Variants in CAMTA1 observed in about 807,000 individuals in gnomAD.
CAMTA1 encodes the protein calmodulin binding transcription activator 1, also known as calmodulin-binding transcription activator 1.
A neutral mutation model predicts 170.9 loss-of-function variants in CAMTA1; 27 were observed. The ratio of observed to expected loss-of-function variants is 0.16; its 90% CI spans 0.12 to 0.22. The LOEUF is 0.22. Among genes scored for constraint, CAMTA1 ranks in the 10% least tolerant of loss-of-function variants. The pLI, the probability that CAMTA1 is intolerant of heterozygous loss-of-function variation, is 1.00. For synonymous variants in CAMTA1, 833 were observed against 891.5 expected (o/e 0.93, Z 1.17); for missense variants, 1,619 against 2,217.2 (o/e 0.73, Z 5.42).
intron 3 of CAMTA1, among the ~76,000 whole-genome samples, chr1:7,031,001 ATTTTTTTT>A (rs58953861): frequency 4.0e-5 from 4 of 100,058 alleles, no homozygotes; most frequent in African/African-American, 1.3e-4. Flanking sequence ...TGCCCAGCTA[ATTTTTTTT>A]TTTTTTTTTT....
At chr1:7,590,904 T>C (rs2095350729) in intron 6 of CAMTA1, among the ~76,000 whole-genome samples, 1 of 152,238 alleles carries the variant, frequency 6.6e-6, no homozygotes, top group Non-Finnish European at 1.5e-5. Context: ...TTTTTAAGTA[T>C]ATTTTTACTT....
rs1043221885 is a variant in CAMTA1 at position 7,562,504 on chromosome 1, C to G, written c.511-77896C>G. On this transcript the variant is annotated intron_variant, in intron 6 of 22. Transcript: ENST00000303635. This position sits in a 1 kb window ranked among gnomAD's most constrained non-coding sequence, Gnocchi z 4.8. ...GCAGACGGCTCTGCCCACTCCCGCCCGCCTGCGACACCTGTCCTGCTGCTC... is the reference window on the plus strand; with the variant it reads ...GCAGACGGCTCTGCCCACTCCCGCCGGCCTGCGACACCTGTCCTGCTGCTC... Among the ~76,000 whole-genome samples, 1 of 152,152 alleles carries G rather than the reference C, an allele frequency of 6.6e-6. No individual in the cohort carries two copies. The highest frequency in any genetic ancestry group is 2.4e-5 in the African/African-American group (1 of 41,428).
intron 4 of CAMTA1, among the ~76,000 whole-genome samples, chr1:7,219,104 C>G (rs1373121222): frequency 6.6e-6 from 1 of 152,192 alleles, no homozygotes; most frequent in Non-Finnish European, 1.5e-5. Flanking sequence ...AAAAGGTCTG[C>G]TCTCTTACGA....
chr1:6,858,778 A>G (rs980544020), intron 3 of CAMTA1, among the ~76,000 whole-genome samples: 4 of 152,212 alleles, frequency 2.6e-5, no homozygotes, highest in Non-Finnish European at 5.9e-5. Context: ...TGAGGACCCC[A>G]GTGTCGTAAC....
chr1:7,157,789 T>G (rs1031874271), intron 4 of CAMTA1, among the ~76,000 whole-genome samples: 25 of 152,290 alleles, frequency 1.6e-4, no homozygotes, highest in African/African-American at 5.3e-4. Flanking sequence ...AGAAAGCAAC[T>G]CAGGGGTCTA....
At chr1:7,116,642 TTTTC>T (rs910284468) in intron 4 of CAMTA1, among the ~76,000 whole-genome samples, 7 of 148,076 alleles carry the variant, frequency 4.7e-5, no homozygotes, top group African/African-American at 9.8e-5. Context: ...CTTAGTTTTC[TTTTC>T]TTTCTTTCTT....
rs1642966512 is a variant in CAMTA1, at chr1:7,103,319, G to A, written c.302+11948G>A. Among the ~76,000 whole-genome samples, 3 of 151,812 alleles carry A rather than the reference G, an allele frequency of 2.0e-5. No homozygotes were observed. The South Asian group carries it at 6.2e-4, about 32-fold the overall frequency. ...GGGAGGACTGAGGCACCGTCTGTCT[G>A]AGAGGCACATATACACACAACTACA... On this transcript the variant is annotated intron_variant, in intron 4 of 22. Coordinates refer to ENST00000303635, the MANE Select transcript of CAMTA1 (RefSeq NM_015215.4).
intron 3 of CAMTA1, among the ~76,000 whole-genome samples, chr1:6,908,436 A>T (rs1035528163): frequency 1.3e-4 from 20 of 152,212 alleles, no homozygotes; most frequent in African/African-American, 4.8e-4. Context: ...ATATTCAAGA[A>T]GTATATTTAA....
chr1:7,347,935 A>G (rs1178528409), intron 5 of CAMTA1, among the ~76,000 whole-genome samples: 2 of 152,186 alleles, frequency 1.3e-5, no homozygotes, highest in Non-Finnish European at 2.9e-5. Flanking sequence ...TCCCATTCAT[A>G]GGCTCTGAGG....
chr1:7,200,936 G>T (rs1656563167), intron 4 of CAMTA1, among the ~76,000 whole-genome samples: 1 of 152,178 alleles, frequency 6.6e-6, no homozygotes. Context: ...CATTTAGAGT[G>T]TACAATTCAA....
chr1:6,801,223 A>C (rs1251370934), intron 1 of CAMTA1, among the ~76,000 whole-genome samples: 5 of 152,192 alleles, frequency 3.3e-5, no homozygotes, highest in African/African-American at 1.2e-4. Context: ...AATTATTCTA[A>C]ATATTTCCCA....
At chr1:7,746,206 T>C in intron 18 of CAMTA1, 115 bp downstream of exon 18, 1 of 1,289,894 alleles carries the variant, frequency 7.8e-7, no homozygotes. Flanking sequence ...TCTGAATTTG[T>C]AGAATTTTTT....
At chr1:7,203,827 T>C (rs1479237048) in intron 4 of CAMTA1, among the ~76,000 whole-genome samples, 1 of 151,632 alleles carries the variant, frequency 6.6e-6, no homozygotes, top group African/African-American at 2.4e-5. Context: ...TTTTCTTTAC[T>C]TTTCTTTCTT....
chr1:7,045,569 A>C (rs1705249208), intron 3 of CAMTA1, among the ~76,000 whole-genome samples: 1 of 152,216 alleles, frequency 6.6e-6, no homozygotes, highest in South Asian at 2.1e-4. Flanking sequence ...GAGCCGTTAC[A>C]TCCTTATTGT....
intron 5 of CAMTA1, among the ~76,000 whole-genome samples, chr1:7,270,222 CATATATATACACATATATACAT>C (rs1669507850): frequency 9.5e-6 from 1 of 105,084 alleles, no homozygotes; most frequent in Non-Finnish European, 1.9e-5. Context: ...TACATATATA[CATATATATACACATATATACAT>C]ACACACACAC....
intron 10 of CAMTA1, among the ~76,000 whole-genome samples, chr1:7,675,996 G>T (rs756411213): frequency 6.6e-5 from 10 of 152,244 alleles, no homozygotes; most frequent in Non-Finnish European, 1.3e-4. Context: ...CAGTTGAAGA[G>T]GCCATCCCCC....
chr1:7,166,071 CTCTT>C (rs1648353516), intron 4 of CAMTA1, among the ~76,000 whole-genome samples: 1 of 151,534 alleles, frequency 6.6e-6, no homozygotes, highest in East Asian at 1.9e-4. Context: ...CTTGGATACT[CTCTT>C]TTTTTTTTTG....
chr1:7,290,046 C>T lies in CAMTA1; in HGVS notation c.438+40420C>T, dbSNP rs1672898584. Among the ~76,000 whole-genome samples the T allele has an allele frequency of 3.3e-5, 5 of 152,196 alleles. No individual in the cohort carries two copies. The South Asian group carries it at 8.3e-4, about 25-fold the overall frequency. ...GACAATAAATTGCTCTTGCTTTAACCCACCCAGTTTGTAAGCAATAGGTTA... is the reference window on the plus strand; with the variant it reads ...GACAATAAATTGCTCTTGCTTTAACTCACCCAGTTTGTAAGCAATAGGTTA... On this transcript the variant is annotated intron_variant, in intron 5 of 22. Coordinates refer to ENST00000303635, the MANE Select transcript of CAMTA1 (RefSeq NM_015215.4).
chr1:7,312,194 A>G (rs903870023), intron 5 of CAMTA1, among the ~76,000 whole-genome samples: 1 of 152,060 alleles, frequency 6.6e-6, no homozygotes, highest in East Asian at 1.9e-4. Flanking sequence ...AGGTCTAACT[A>G]TTGTGAGAGA....
Sources: allele counts gnomAD v4.1 joint callset (sites outside exome capture counted in the v4.1 genomes callset), GRCh38; gene constraint gnomAD v4.1.1; non-coding constraint Gnocchi (gnomAD v3.1); transcripts MANE v1.5; gene names NCBI Gene and HGNC (gene_info 2026-07-23, HGNC 2026-07-21).